PDE8B: variants seen among roughly 807,000 people sequenced by gnomAD.
PDE8B encodes the protein phosphodiesterase 8B, also known as high affinity cAMP-specific and IBMX-insensitive 3',5'-cyclic phosphodiesterase 8B.
Under a neutral mutation model 101.3 loss-of-function variants are expected in PDE8B, and 26 were observed. That is an observed-to-expected ratio of 0.26 (90% CI 0.19 to 0.36). The LOEUF is 0.36. Among genes scored for constraint, PDE8B ranks in the 10% least tolerant of loss-of-function variants. PDE8B has a pLI of 1.00. For synonymous variants in PDE8B, 424 were observed against 429.3 expected (o/e 0.99, Z 0.15); for missense variants, 810 against 1,163.1 (o/e 0.70, Z 4.42).
At chr5:77,240,192 T>TA (rs1755465890) in intron 1 of PDE8B, among the ~76,000 whole-genome samples, 1 of 152,184 alleles carries the variant, frequency 6.6e-6, no homozygotes. Context: ...CTCGCTCTAT[T>TA]GCCCAGGCTG....
At chr5:77,103,885 A>G in the PDE8B span, among the ~76,000 whole-genome samples, 72 of 152,348 alleles carry the variant, frequency 4.7e-4, no homozygotes, top group South Asian at 2.1e-3. Context: ...GAGTTATGAT[A>G]AAGATTTGAA....
chr5:77,186,893 C>G, the PDE8B span, among the ~76,000 whole-genome samples: 14 of 151,728 alleles, frequency 9.2e-5, no homozygotes, highest in African/African-American at 3.2e-4. Context: ...GTTTCCCATT[C>G]TGTTTCCTAC....
At chr5:77,359,135 G>A (rs972417226) in intron 10 of PDE8B, among the ~76,000 whole-genome samples, 9 of 152,142 alleles carry the variant, frequency 5.9e-5, no homozygotes, top group Admixed American at 2.0e-4. Flanking sequence ...GCTTGCAGCC[G>A]GGAGGAGGGG....
At position 77,311,081 on chromosome 5, in the gene PDE8B, A is replaced by G. The variant is rs1361272785; in HGVS notation, c.340-913A>G. Among the ~76,000 whole-genome samples, 9 of 152,254 alleles carry G rather than the reference A, an allele frequency of 5.9e-5. No homozygotes were observed. The East Asian group carries it at 1.7e-3, about 29-fold the overall frequency. On this transcript the variant is annotated intron_variant, in intron 1 of 21. Transcript: ENST00000264917. ...GCTGAAGGCGCTCCTTCAGACTGAC[A>G]AGGGGCCAGTACAGAGTGTGGAATG...
the PDE8B span, chr5:77,145,492 G>C: frequency 1.3e-5 from 2 of 152,170 alleles, no homozygotes; most frequent in African/African-American, 4.8e-5. Context: ...AAAATCTCAG[G>C]AAGATTAAGG....
intron 2 of PDE8B, among the ~76,000 whole-genome samples, chr5:77,325,274 C>A (rs1775831259): frequency 1.3e-5 from 2 of 152,184 alleles, no homozygotes; most frequent in Non-Finnish European, 1.5e-5. Context: ...CTCAAGTGAT[C>A]TTTTCATCTC....
chr5:77,227,147 G>GT (rs1196717444), intron 1 of PDE8B, among the ~76,000 whole-genome samples: 2 of 152,210 alleles, frequency 1.3e-5, no homozygotes, highest in African/African-American at 4.8e-5. Context: ...CTAAAATCAA[G>GT]TTTTTTTCCA....
chr5:77,157,318 A>G, the PDE8B span, among the ~76,000 whole-genome samples: 1 of 152,212 alleles, frequency 6.6e-6, no homozygotes, highest in Non-Finnish European at 1.5e-5. Flanking sequence ...ACACAGGAAG[A>G]CTGTGTCTGA....
intron 1 of PDE8B, among the ~76,000 whole-genome samples, chr5:77,309,556 A>T: frequency 1.0e-5 from 1 of 100,442 alleles, no homozygotes. Context: ...AGTGAACTCA[A>T]GAGAGATCAC....
intron 1 of PDE8B, among the ~76,000 whole-genome samples, chr5:77,218,677 G>A (rs77695050): frequency 6.6e-6 from 1 of 152,150 alleles, no homozygotes; most frequent in East Asian, 1.9e-4. Flanking sequence ...AGTTGGAGAA[G>A]AATTAAAAAA....
chr5:77,105,137 TTTCA>T, the PDE8B span: 1 of 152,256 alleles, frequency 6.6e-6, no homozygotes, highest in African/African-American at 2.4e-5. Flanking sequence ...CCTTGCTAAG[TTTCA>T]TTCTGTTATA....
the PDE8B span, among the ~76,000 whole-genome samples, chr5:77,157,224 G>A: frequency 1.3e-5 from 2 of 152,112 alleles, no homozygotes; most frequent in Non-Finnish European, 2.9e-5. Context: ...ATAGTGGGTG[G>A]CTCTGATGGG....
intron 1 of PDE8B, among the ~76,000 whole-genome samples, chr5:77,231,264 A>C (rs763585110): frequency 1.3e-5 from 2 of 152,226 alleles, no homozygotes; most frequent in Non-Finnish European, 2.9e-5. Context: ...TTGGAAAGAC[A>C]CAAAGTCAGG....
intron 10 of PDE8B, among the ~76,000 whole-genome samples, chr5:77,359,506 C>T (rs994300258): frequency 6.6e-5 from 10 of 152,108 alleles, no homozygotes; most frequent in African/African-American, 2.2e-4. Flanking sequence ...TTTTTTGACC[C>T]GTCTGTTCTC....
chr5:77,350,046 C>G (rs1304292193), intron 8 of PDE8B, among the ~76,000 whole-genome samples: 1 of 152,150 alleles, frequency 6.6e-6, no homozygotes, highest in Non-Finnish European at 1.5e-5. Context: ...TCCCCTTCAT[C>G]TGGGTAGATG....
chr5:77,239,702 C>G (rs984334999), intron 1 of PDE8B, among the ~76,000 whole-genome samples: 2 of 152,188 alleles, frequency 1.3e-5, no homozygotes, highest in Non-Finnish European at 2.9e-5. Flanking sequence ...AACTTTAAAA[C>G]TTTCCACACA....
At chr5:77,309,370 T>A (rs1772023966) in intron 1 of PDE8B, among the ~76,000 whole-genome samples, 1 of 152,196 alleles carries the variant, frequency 6.6e-6, no homozygotes, top group South Asian at 2.1e-4. Flanking sequence ...TCCTTCCCTA[T>A]CTCTTGGCCT....
chr5:77,420,988 C>T (rs768157003), intron 19 of PDE8B, among the ~76,000 whole-genome samples: 5 of 152,182 alleles, frequency 3.3e-5, no homozygotes, highest in Non-Finnish European at 5.9e-5. Context: ...GCTCTGGAGA[C>T]CTAATTGTTT....
At chr5:77,360,254 T>G (rs952855741) in intron 10 of PDE8B, among the ~76,000 whole-genome samples, 2 of 75,886 alleles carry the variant, frequency 2.6e-5, no homozygotes, top group Non-Finnish European at 4.7e-5. Context: ...GGAGGAGGGT[T>G]TTTTCCCGAT....
Sources: gnomAD v4.1 joint callset for allele counts (sites outside exome capture counted in the v4.1 genomes callset) on GRCh38, gnomAD v4.1.1 for gene constraint, MANE v1.5 for transcripts, NCBI Gene and HGNC (gene_info 2026-07-23, HGNC 2026-07-21) for gene names.